Variants in BAG4 observed in about 807,000 individuals in gnomAD.
The protein encoded by BAG4 is BAG cochaperone 4, also known as BAG family molecular chaperone regulator 4.
A neutral mutation model predicts 52.1 loss-of-function variants in BAG4; 28 were observed. That is an observed-to-expected ratio of 0.54 (90% CI 0.40 to 0.74). The LOEUF (loss-of-function observed/expected upper bound fraction) is 0.74. BAG4 is among the 30% of genes least tolerant of loss of function. The pLI is 0.00. For synonymous variants in BAG4, 208 were observed against 217.0 expected (o/e 0.96, Z 0.37); for missense variants, 525 against 572.0 (o/e 0.92, Z 0.84).
Position 38,180,918 on chromosome 8 carries a change from GA to G in BAG4, c.270+3785del, listed in dbSNP as rs200960525. 5.6e-4 allele frequency among the ~76,000 whole-genome samples: 85 copies of G among 150,946 alleles called. No homozygotes were observed. The East Asian group carries it at 0.015, about 26-fold the overall frequency. ...TATTAACACATTTAAGTATGGCAGG[GA>G]AAAAATTAGAAATCTATCACTATTT... On this transcript the variant is annotated intron_variant, in intron 1 of 4. Coordinates refer to ENST00000287322, the MANE Select transcript of BAG4 (RefSeq NM_004874.4).
In BAG4 at chr8:38,202,506, C is replaced by A. The variant is rs570588227; in HGVS notation, c.379-5006C>A. 1.2e-4 allele frequency among the ~76,000 whole-genome samples: 18 copies of A among 151,380 alleles called. No individual in the cohort carries two copies. In the East Asian group the frequency reaches 3.3e-3, roughly 28 times the overall value. On this transcript the variant is annotated intron_variant, in intron 2 of 4. Transcript: ENST00000287322. ...CTTTGAGTTTAAGCAGTCCACCTGCCTTGGCCTTCCAAAGTGCTAGGATTA... is the reference window on the plus strand; with the variant it reads ...CTTTGAGTTTAAGCAGTCCACCTGCATTGGCCTTCCAAAGTGCTAGGATTA...
rs750055261 is a variant in BAG4, at chr8:38,177,027, G to A, written c.158G>A (p.Arg53His). 3.1e-6 allele frequency: 5 copies of A among 1,603,792 alleles called. No homozygotes were observed. The South Asian group carries it at 3.3e-5, about 11-fold the overall frequency. The change falls in exon 1 of 5, where the codon CGC becomes CAC. Residue 53 changes from arginine to histidine, a missense_variant. This residue lies in a region of BAG4 where 287 missense variants were observed against 266.1 expected (regional missense o/e 1.08). Coordinates refer to ENST00000287322, the MANE Select transcript of BAG4 (RefSeq NM_004874.4). ...PPQPPISWRV[R>H]GGGPAETTWL... is the part of the protein sequence containing the mutation. Reference sequence around the variant, plus strand: ...CAGCCTCCCATTTCCTGGCGGGTGCGCGGGGGCGGCCCGGCGGAGACCACC... The same window carrying A: ...CAGCCTCCCATTTCCTGGCGGGTGCACGGGGGCGGCCCGGCGGAGACCACC...
intron 1 of BAG4, among the ~76,000 whole-genome samples, chr8:38,181,143 G>A (rs939918624): frequency 1.4e-5 from 2 of 148,126 alleles, no homozygotes; most frequent in Non-Finnish European, 3.0e-5. Context: ...GAGTTTCACC[G>A]TGTCAGCCAG....
At position 38,177,158 on chromosome 8, in the gene BAG4, G is replaced by A; in HGVS notation, c.270+19G>A. 2 of 1,608,364 alleles carry A rather than the reference G, an allele frequency of 1.2e-6. No homozygotes were observed. The highest frequency in any genetic ancestry group is 1.7e-6 in the Non-Finnish European group (2 of 1,178,624). On this transcript the variant is annotated intron_variant, in intron 1 of 4. Coordinates refer to ENST00000287322, the MANE Select transcript of BAG4 (RefSeq NM_004874.4). ...CCACCAGGTAAGCTTTGCACCCTCTGTCCTTGCGGGGAGGTGAGGGCCCTT... is the reference window on the plus strand; with the variant it reads ...CCACCAGGTAAGCTTTGCACCCTCTATCCTTGCGGGGAGGTGAGGGCCCTT...
chr8:38,191,779 A>AC (rs1163696657), intron 1 of BAG4, among the ~76,000 whole-genome samples: 1 of 151,934 alleles, frequency 6.6e-6, no homozygotes, highest in Non-Finnish European at 1.5e-5. Context: ...AAAAAAAAAA[A>AC]AAACCCTAAA....
At chr8:38,201,431 T>C (rs919468256) in intron 2 of BAG4, among the ~76,000 whole-genome samples, 3 of 152,122 alleles carry the variant, frequency 2.0e-5, no homozygotes, top group African/African-American at 7.2e-5. Flanking sequence ...CCTGTCTCAG[T>C]GTCCTAGGTA....
intron 3 of BAG4, among the ~76,000 whole-genome samples, chr8:38,208,388 C>T (rs1021698856): frequency 6.7e-6 from 1 of 149,358 alleles, no homozygotes; most frequent in African/African-American, 2.5e-5. Flanking sequence ...AGGCTCACTG[C>T]AAGCTCCACC....
At chr8:38,203,466 G>A (rs528277099) in intron 2 of BAG4, among the ~76,000 whole-genome samples, 1 of 151,956 alleles carries the variant, frequency 6.6e-6, no homozygotes, top group Non-Finnish European at 1.5e-5. Flanking sequence ...TGTATTTTTA[G>A]TAGAGACAGG....
chr8:38,190,055 G>A (rs980760835), intron 1 of BAG4, among the ~76,000 whole-genome samples: 2 of 152,140 alleles, frequency 1.3e-5, no homozygotes, highest in African/African-American at 4.8e-5. Context: ...AAAGTGCTGG[G>A]ATTACAGGTG....
chr8:38,194,086 GGT>G (rs1310367533), intron 2 of BAG4, among the ~76,000 whole-genome samples: 1 of 152,022 alleles, frequency 6.6e-6, no homozygotes, highest in African/African-American at 2.4e-5. Context: ...TGGCCAGGCT[GGT>G]CTCAAACTCC....
intron 1 of BAG4, among the ~76,000 whole-genome samples, chr8:38,181,799 G>A (rs1189018781): frequency 7.1e-6 from 1 of 141,752 alleles, no homozygotes; most frequent in African/African-American, 2.6e-5. Flanking sequence ...CAGCTAGTCT[G>A]AGAATTGCTC....
At chr8:38,190,358 A>G (rs1177317638) in intron 1 of BAG4, among the ~76,000 whole-genome samples, 1 of 152,220 alleles carries the variant, frequency 6.6e-6, no homozygotes, top group African/African-American at 2.4e-5. Context: ...ACCACTAAAG[A>G]TGTCCATTCA....
intron 1 of BAG4, among the ~76,000 whole-genome samples, chr8:38,185,721 C>T (rs923690220): frequency 9.9e-5 from 15 of 152,240 alleles, no homozygotes; most frequent in African/African-American, 3.6e-4. Context: ...TGTGTCACCA[C>T]ACCCAGCTAA....
intron 3 of BAG4, among the ~76,000 whole-genome samples, chr8:38,208,577 C>G (rs1803814070): frequency 1.3e-5 from 2 of 152,252 alleles, no homozygotes; most frequent in African/African-American, 4.8e-5. Flanking sequence ...TCCCAAAGTG[C>G]TGGGATTACA....
rs774029718 is a variant in BAG4, at chr8:38,192,705, T to C, written c.288T>C (p.Pro96=). 42 of 1,611,562 alleles carry C rather than the reference T, an allele frequency of 2.6e-5. No homozygotes were observed. The highest frequency in any genetic ancestry group is 3.3e-5 in the Non-Finnish European group (39 of 1,179,182). Residue 96 remains proline (P), a synonymous_variant, in exon 2 of 5, where the codon CCT becomes CCC. Transcript: ENST00000287322. ...GGSHQEQPPY[P]SYNSNYWNST... is the part of the protein sequence containing the mutation. ...TTTCTTAGGAGCAGCCACCATATCC[T>C]AGCTACAATTCTAACTATTGGAATT...
chr8:38,207,327 C>T (rs1803786791), intron 2 of BAG4, among the ~76,000 whole-genome samples, 185 bp from the exon 3 acceptor site: 1 of 151,950 alleles, frequency 6.6e-6, no homozygotes, highest in Admixed American at 6.6e-5. Context: ...GTCTCAAACT[C>T]CTGACCTCAA....
At chr8:38,197,158 T>G (rs1803575871) in intron 2 of BAG4, among the ~76,000 whole-genome samples, 1 of 152,224 alleles carries the variant, frequency 6.6e-6, no homozygotes, top group Non-Finnish European at 1.5e-5. Flanking sequence ...TCTTTATACA[T>G]TCTAGATACA....
At chr8:38,194,005 G>A (rs531996959) in intron 2 of BAG4, among the ~76,000 whole-genome samples, 60 of 152,248 alleles carry the variant, frequency 3.9e-4, no homozygotes, top group African/African-American at 9.6e-4. Flanking sequence ...TCAAAGTGCT[G>A]GGATTATAGG....
intron 1 of BAG4, among the ~76,000 whole-genome samples, chr8:38,186,240 T>A (rs7828832): frequency 0.24 from 36,685 of 151,866 alleles, 4,600 homozygotes; most frequent in East Asian, 0.31. Context: ...GGCTCTGATC[T>A]CCTTTACCCT....
Sources: allele counts gnomAD v4.1 joint callset (sites outside exome capture counted in the v4.1 genomes callset), GRCh38; gene constraint gnomAD v4.1.1; regional missense constraint gnomAD v4.1.1; transcripts MANE v1.5; gene names NCBI Gene and HGNC (gene_info 2026-07-23, HGNC 2026-07-21).